SLC38A10: variants seen among roughly 807,000 people sequenced by gnomAD.
SLC38A10 encodes the protein solute carrier family 38 member 10.
Under a neutral mutation model 81.0 loss-of-function variants are expected in SLC38A10, and 53 were observed. The ratio of observed to expected loss-of-function variants is 0.65; its 90% CI spans 0.53 to 0.82. The LOEUF (loss-of-function observed/expected upper bound fraction) is 0.82. Among genes scored for constraint, SLC38A10 ranks in the 40% least tolerant of loss-of-function variants. SLC38A10 has a pLI of 0.00. For synonymous variants in SLC38A10, 665 were observed against 655.3 expected (o/e 1.01, Z -0.23); for missense variants, 1,471 against 1,545.0 (o/e 0.95, Z 0.80).
At chr17:81,256,738 G>A (rs2062976402) in intron 11 of SLC38A10, among the ~76,000 whole-genome samples, 1 of 152,240 alleles carries the variant, frequency 6.6e-6, no homozygotes, top group South Asian at 2.1e-4. Flanking sequence ...TTCCCTTGAT[G>A]CTGCCATGAG....
chr17:81,261,755 C>T (rs987282062), intron 10 of SLC38A10, among the ~76,000 whole-genome samples: 9 of 152,232 alleles, frequency 5.9e-5, no homozygotes, highest in South Asian at 4.1e-4. Context: ...GGAGCCCGGC[C>T]GCAATGTGCC....
chr17:81,293,738 C>G (rs1453474499), intron 1 of SLC38A10, among the ~76,000 whole-genome samples: 3 of 152,170 alleles, frequency 2.0e-5, no homozygotes, highest in Admixed American at 6.5e-5. Context: ...ATGAAAAACA[C>G]AGTGTTTGCT....
chr17:81,292,227 A>G (rs2063317202), intron 1 of SLC38A10, among the ~76,000 whole-genome samples: 1 of 151,982 alleles, frequency 6.6e-6, no homozygotes, highest in Non-Finnish European at 1.5e-5. Context: ...CCCGGGTTCA[A>G]GCGATTCTCT....
chr17:81,272,075 C>T (rs1261667516), intron 9 of SLC38A10, among the ~76,000 whole-genome samples: 4 of 151,446 alleles, frequency 2.6e-5, no homozygotes, highest in East Asian at 1.9e-4. Flanking sequence ...TCTTGTTGCC[C>T]AGCCTGGAGT....
chr17:81,277,121 G>A lies in SLC38A10; in HGVS notation c.639C>T (p.Pro213=), dbSNP rs760738748. ...MSFACQSQVL[P]TYDSLDEPSV... ...ACGGCTCATCCAGGCTGTCGTAGGT[G>A]GGCAGCACCTGGCTGTATAGAAACA... Residue 213 remains proline (P), a synonymous_variant, in exon 7 of 16, where the codon CCC becomes CCT. Transcript: ENST00000374759. The surrounding 1 kb of genome is among the most constrained non-coding windows in gnomAD (Gnocchi z 4.5). 1.2e-6 allele frequency: 2 copies of A among 1,613,926 alleles called. No individual in the cohort carries two copies. Among genetic ancestry groups the A allele is most frequent in the Admixed American group, 1.7e-5 (1 of 60,008 alleles).
Position 81,283,966 on chromosome 17 carries a change from G to A in SLC38A10, c.264-464C>T, listed in dbSNP as rs1433710974. 6.6e-6 allele frequency among the ~76,000 whole-genome samples: 1 copy of A among 151,902 alleles called. No homozygotes were observed. Among genetic ancestry groups the A allele is most frequent in the Non-Finnish European group, 1.5e-5 (1 of 67,986 alleles). On this transcript the variant is annotated intron_variant, in intron 3 of 15. Transcript: ENST00000374759. This position sits in a 1 kb window ranked among gnomAD's most constrained non-coding sequence, Gnocchi z 4.7. The stretch of plus-strand genomic sequence containing the variant: ...ACAGGGCGCGGGCAGGTTCTGTGGC[G>A]CTCGCTATGTCACTTGGCATGCACA...
chr17:81,261,212 G>A (rs1006030784), intron 10 of SLC38A10, among the ~76,000 whole-genome samples: 11 of 152,128 alleles, frequency 7.2e-5, no homozygotes, highest in African/African-American at 1.7e-4. Context: ...TGCTTGGCCC[G>A]GCTCCTGCCA....
rs1032840366 is a variant in SLC38A10, at chr17:81,260,137, C to CA, written c.1288+100dup. The CA allele has an allele frequency of 7.8e-5, 111 of 1,417,448 alleles. No individual in the cohort carries two copies. In the African/African-American group the frequency reaches 1.2e-3, roughly 15 times the overall value. 87.8% of individuals were successfully genotyped at this position (1,417,448 alleles called of 1,614,324 possible). On this transcript the variant is annotated intron_variant, in intron 11 of 15. Transcript: ENST00000374759. ...CCCTGCTGGCTGCACCCACACAGGACAGAGGCCACTGAGCAGGTAAGCACA... is the reference window on the plus strand; with the variant it reads ...CCCTGCTGGCTGCACCCACACAGGACAAGAGGCCACTGAGCAGGTAAGCACA...
rs79206660 is a variant in SLC38A10 at position 81,254,140 on chromosome 17, C to T, written c.1289-900G>A. On this transcript the variant is annotated intron_variant, in intron 11 of 15. Coordinates refer to ENST00000374759, the MANE Select transcript of SLC38A10 (RefSeq NM_001037984.3). The stretch of plus-strand genomic sequence containing the variant: ...CAGCAAGGCCATATGTCCACTGAGA[C>T]AGGCGCTGCAGCCGAGGGGGACTCA... Among the ~76,000 whole-genome samples, 44 of 152,358 alleles carry T rather than the reference C, an allele frequency of 2.9e-4. 1 individual carries two copies. In the East Asian group the frequency reaches 8.3e-3, roughly 29 times the overall value.
chr17:81,258,529 C>T (rs962927121), intron 11 of SLC38A10, among the ~76,000 whole-genome samples: 6 of 152,074 alleles, frequency 3.9e-5, no homozygotes, highest in African/African-American at 7.2e-5. Context: ...GCTAAGGGGA[C>T]GGGGAGCCTC....
chr17:81,256,558 G>A (rs985049726), intron 11 of SLC38A10, among the ~76,000 whole-genome samples: 2 of 152,200 alleles, frequency 1.3e-5, no homozygotes, highest in Non-Finnish European at 2.9e-5. Context: ...ACACACTCCC[G>A]GCATCCCACG....
chr17:81,281,284 G>A lies in SLC38A10; in HGVS notation c.502-551C>T, dbSNP rs1308291015. Among the ~76,000 whole-genome samples the A allele has an allele frequency of 4.6e-5, 7 of 152,122 alleles. No homozygotes were observed. The highest frequency in any genetic ancestry group is 1.4e-4 in the African/African-American group (6 of 41,400). On this transcript the variant is annotated intron_variant, in intron 5 of 15. Transcript: ENST00000374759. This position sits in a 1 kb window ranked among gnomAD's most constrained non-coding sequence, Gnocchi z 5.3. ...GTGCAAACCCGCTGTGAGACACCCA[G>A]GTTCCAGCCACTCAGGAAGGGTCAT...
intron 9 of SLC38A10, 111 bp from the exon 10 acceptor site, chr17:81,271,135 C>G: frequency 2.3e-6 from 2 of 871,754 alleles, no homozygotes; most frequent in South Asian, 1.5e-5. Flanking sequence ...AAGGAAATGC[C>G]GTCTAGGCGT....
intron 10 of SLC38A10, among the ~76,000 whole-genome samples, chr17:81,266,339 G>A (rs2063069803): frequency 6.6e-6 from 1 of 152,202 alleles, no homozygotes; most frequent in Admixed American, 6.5e-5. Context: ...CAGGGGGAGG[G>A]CCGGACGCGG....
At position 81,277,093 on chromosome 17, in the gene SLC38A10, C is replaced by T. The variant is rs773661289; in HGVS notation, c.667G>A (p.Val223Met). 1.2e-6 allele frequency: 2 copies of T among 1,614,092 alleles called. No individual in the cohort carries two copies. Among genetic ancestry groups the T allele is most frequent in the East Asian group, 2.2e-5 (1 of 44,882 alleles). ...GCAAATATGGAGCTCATGGTTTTCA[C>T]TGACGGCTCATCCAGGCTGTCGTAG... is the stretch of plus-strand genomic sequence containing the variant. ...PTYDSLDEPSVKTMSSIFASS... is the reference protein window; with the variant it reads ...PTYDSLDEPSMKTMSSIFASS... The change falls in exon 7 of 16, where the codon GTG (valine) becomes ATG (methionine). Residue 223 changes from valine to methionine, a missense_variant. Around this residue, in one of 2 missense-constraint regions of SLC38A10, gnomAD observed 720 missense variants for 827.7 expected, o/e 0.87. Transcript: ENST00000374759. The surrounding 1 kb of genome is among the most constrained non-coding windows in gnomAD (Gnocchi z 4.5).
intron 1 of SLC38A10, among the ~76,000 whole-genome samples, chr17:81,293,415 C>CA (rs2063325221): frequency 1.3e-5 from 2 of 152,222 alleles, no homozygotes; most frequent in Admixed American, 1.3e-4. Flanking sequence ...GCAAACAACT[C>CA]AGACACAACA....
At chr17:81,292,467 A>G (rs868175806) in intron 1 of SLC38A10, among the ~76,000 whole-genome samples, 1 of 152,136 alleles carries the variant, frequency 6.6e-6, no homozygotes, top group Non-Finnish European at 1.5e-5. Context: ...AACAAAAAAA[A>G]AAACACTAAT....
intron 3 of SLC38A10, 130 bp downstream of exon 3, chr17:81,284,720 G>T (rs2063247465): frequency 3.0e-6 from 2 of 664,590 alleles, no homozygotes; most frequent in Non-Finnish European, 4.8e-6. Flanking sequence ...GGACTTTCAT[G>T]TATTTAGCGA....
chr17:81,274,031 A>G (rs2063139819), intron 8 of SLC38A10, among the ~76,000 whole-genome samples: 1 of 152,260 alleles, frequency 6.6e-6, no homozygotes, highest in African/African-American at 2.4e-5. Context: ...TTGAGTCACA[A>G]TACATTTAAC....
Sources: gnomAD v4.1 joint callset for allele counts (sites outside exome capture counted in the v4.1 genomes callset) on GRCh38, gnomAD v4.1.1 for gene constraint, gnomAD v4.1.1 regional missense constraint, Gnocchi (gnomAD v3.1) non-coding constraint, MANE v1.5 for transcripts, NCBI Gene and HGNC (gene_info 2026-07-23, HGNC 2026-07-21) for gene names.